Variants in MACROD2 observed in about 807,000 individuals in gnomAD.
The protein encoded by MACROD2 is mono-ADP ribosylhydrolase 2, also known as ADP-ribose glycohydrolase MACROD2.
Under a neutral mutation model 70.4 loss-of-function variants are expected in MACROD2, and 36 were observed. The ratio of observed to expected loss-of-function variants is 0.51; its 90% CI spans 0.39 to 0.68. The LOEUF (loss-of-function observed/expected upper bound fraction) is 0.68. Ranked by LOEUF, MACROD2 falls within the 30% of genes least tolerant of loss-of-function variation. The pLI is 0.00. For synonymous variants in MACROD2, 172 were observed against 178.8 expected (o/e 0.96, Z 0.30); for missense variants, 496 against 538.4 (o/e 0.92, Z 0.78).
At chr20:14,848,890 G>T (rs955217727) in intron 5 of MACROD2, among the ~76,000 whole-genome samples, 1 of 152,086 alleles carries the variant, frequency 6.6e-6, no homozygotes, top group African/African-American at 2.4e-5. Flanking sequence ...CTGGGCCAAG[G>T]ATGGTAAATT....
rs2064004229 is a variant in MACROD2 at position 15,827,023 on chromosome 20, T to C, written c.646-35722T>C. ...TATGGTAAATAGTGAACTAATTGCC[T>C]TAAAAATGGTAGAACTTTTCTTTTG... On this transcript the variant is annotated intron_variant, in intron 8 of 17. Coordinates refer to ENST00000684519, the MANE Select transcript of MACROD2 (RefSeq NM_001351661.2). Among the ~76,000 whole-genome samples, 4 of 152,212 alleles carry C rather than the reference T, an allele frequency of 2.6e-5. 1 individual carries two copies. Among genetic ancestry groups the C allele is most frequent in the Admixed American group, 2.6e-4 (4 of 15,266 alleles).
chr20:14,580,704 C>CCT (rs966485020), intron 4 of MACROD2, among the ~76,000 whole-genome samples: 2 of 152,280 alleles, frequency 1.3e-5, no homozygotes. Flanking sequence ...GAAGTCGTGA[C>CCT]CTTAGGACCT....
chr20:14,432,460 G>A (rs1324836827), intron 3 of MACROD2, among the ~76,000 whole-genome samples: 1 of 150,304 alleles, frequency 6.7e-6, no homozygotes, highest in Non-Finnish European at 1.5e-5. Context: ...AGTAGTATCT[G>A]TCTAACATGT....
At chr20:14,260,840 T>G (rs1425836145) in intron 3 of MACROD2, among the ~76,000 whole-genome samples, 1 of 152,248 alleles carries the variant, frequency 6.6e-6, no homozygotes, top group Non-Finnish European at 1.5e-5. Flanking sequence ...CAGTAAGGAA[T>G]ACATAAGTAT....
chr20:15,790,532 T>C (rs1357543013), intron 8 of MACROD2, among the ~76,000 whole-genome samples: 1 of 151,914 alleles, frequency 6.6e-6, no homozygotes, highest in Admixed American at 6.6e-5. Flanking sequence ...AAGAGTCAGA[T>C]TATCCAGGAG....
chr20:14,031,138 A>G (rs1249202379), intron 2 of MACROD2, among the ~76,000 whole-genome samples: 1 of 152,218 alleles, frequency 6.6e-6, no homozygotes, highest in East Asian at 1.9e-4. Flanking sequence ...ATGACTGGCT[A>G]AATATGACTC....
intron 3 of MACROD2, among the ~76,000 whole-genome samples, chr20:14,269,021 T>A (rs1156414141): frequency 1.3e-5 from 2 of 152,168 alleles, no homozygotes; most frequent in Non-Finnish European, 2.9e-5. Context: ...CTAATAGCCA[T>A]TGAGGGGAGC....
intron 8 of MACROD2, among the ~76,000 whole-genome samples, chr20:15,665,774 G>A (rs1366165833): frequency 6.6e-6 from 1 of 152,208 alleles, no homozygotes; most frequent in African/African-American, 2.4e-5. Context: ...CAACCTTGGT[G>A]TTCTTGTTTA....
At chr20:15,879,875 T>C (rs1324829815) in intron 9 of MACROD2, among the ~76,000 whole-genome samples, 4 of 152,044 alleles carry the variant, frequency 2.6e-5, no homozygotes, top group Non-Finnish European at 4.4e-5. Context: ...GTAGTTGTAG[T>C]CTGAATGCTG....
At chr20:15,926,347 T>C (rs532435670) in intron 10 of MACROD2, among the ~76,000 whole-genome samples, 2 of 152,296 alleles carry the variant, frequency 1.3e-5, no homozygotes, top group Non-Finnish European at 2.9e-5. Context: ...GGCAAGAGCG[T>C]ATTTCATTAA....
At chr20:16,018,859 T>C (rs1037565769) in intron 15 of MACROD2, among the ~76,000 whole-genome samples, 2 of 152,240 alleles carry the variant, frequency 1.3e-5, no homozygotes, top group Non-Finnish European at 2.9e-5. Flanking sequence ...AGGTGTCTTA[T>C]ATGCCTTCAT....
chr20:15,041,104 C>A (rs545610490), intron 5 of MACROD2, among the ~76,000 whole-genome samples: 33 of 152,282 alleles, frequency 2.2e-4, no homozygotes, highest in African/African-American at 7.7e-4. Flanking sequence ...TATTTACTCA[C>A]TTCCATGAAT....
rs545085066 is a variant in MACROD2 at position 14,778,524 on chromosome 20, G to A, written c.418+93565G>A. ...GTCCACAGCTCTTCACTAAGACCCGGTCTAGATCCAAAATGAATTCAGAAG... is the reference window on the plus strand; with the variant it reads ...GTCCACAGCTCTTCACTAAGACCCGATCTAGATCCAAAATGAATTCAGAAG... On this transcript the variant is annotated intron_variant, in intron 5 of 17. Coordinates refer to ENST00000684519, the MANE Select transcript of MACROD2 (RefSeq NM_001351661.2). Among the ~76,000 whole-genome samples the A allele has an allele frequency of 7.9e-5, 12 of 152,150 alleles. No individual in the cohort carries two copies. The South Asian group carries it at 2.3e-3, about 29-fold the overall frequency.
chr20:15,585,023 A>AT (rs2048578025), intron 8 of MACROD2, among the ~76,000 whole-genome samples: 1 of 152,094 alleles, frequency 6.6e-6, no homozygotes, highest in South Asian at 2.1e-4. Flanking sequence ...AATGATGCTG[A>AT]TGTGCCAGTC....
chr20:14,953,092 A>G (rs571022830), intron 5 of MACROD2, among the ~76,000 whole-genome samples: 142 of 152,228 alleles, frequency 9.3e-4, no homozygotes, highest in Non-Finnish European at 1.5e-3. Context: ...CATATCTAAT[A>G]AATAATAGAC....
intron 8 of MACROD2, among the ~76,000 whole-genome samples, chr20:15,573,614 A>G (rs2048404818): frequency 6.6e-6 from 1 of 152,168 alleles, no homozygotes; most frequent in Non-Finnish European, 1.5e-5. Flanking sequence ...AAGAAGCCTT[A>G]TCTGCTAGGT....
chr20:15,586,948 T>A (rs1039038439), intron 8 of MACROD2, among the ~76,000 whole-genome samples: 3 of 152,186 alleles, frequency 2.0e-5, no homozygotes, highest in African/African-American at 7.2e-5. Context: ...CTTGAACCAA[T>A]GAAAGAGACA....
Position 15,905,636 on chromosome 20 carries a change from G to C in MACROD2, c.775+19825G>C, listed in dbSNP as rs954027944. On this transcript the variant is annotated intron_variant, in intron 10 of 17. Coordinates refer to ENST00000684519, the MANE Select transcript of MACROD2 (RefSeq NM_001351661.2). ...GGTACTAATTTTTCAACAGAGAAAGGGTTTATTTTGTCGTTAAGGAGAGGT... is the reference window on the plus strand; with the variant it reads ...GGTACTAATTTTTCAACAGAGAAAGCGTTTATTTTGTCGTTAAGGAGAGGT... Among the ~76,000 whole-genome samples, 29 of 152,240 alleles carry C rather than the reference G, an allele frequency of 1.9e-4. No individual in the cohort carries two copies. The East Asian group carries it at 4.6e-3, about 24-fold the overall frequency.
chr20:14,680,029 G>C (rs1012910573), intron 4 of MACROD2, among the ~76,000 whole-genome samples: 3 of 152,194 alleles, frequency 2.0e-5, no homozygotes. Flanking sequence ...CTTGGACCCT[G>C]AGGGTCCTAC....
Sources: gnomAD v4.1 joint callset for allele counts (sites outside exome capture counted in the v4.1 genomes callset) on GRCh38, gnomAD v4.1.1 for gene constraint, MANE v1.5 for transcripts, NCBI Gene and HGNC (gene_info 2026-07-23, HGNC 2026-07-21) for gene names.